SHROOM3: variants seen among roughly 807,000 people sequenced by gnomAD.
SHROOM3 encodes the protein protein Shroom3.
Under a neutral mutation model 138.6 loss-of-function variants are expected in SHROOM3, and 47 were observed. The observed-to-expected ratio is 0.34, with a 90% CI of 0.27 to 0.43. The LOEUF (loss-of-function observed/expected upper bound fraction) is 0.43, where lower values mean the gene tolerates loss of function less well. Ranked by LOEUF, SHROOM3 falls within the 20% of genes least tolerant of loss-of-function variation. The pLI, the probability that SHROOM3 is intolerant of heterozygous loss-of-function variation, is 1.00. For missense variants in SHROOM3, 2,491 were observed against 2,596.5 expected (o/e 0.96, Z 0.88); for synonymous variants, 1,062 against 1,063.3 (o/e 1.00, Z 0.02).
At chr4:76,778,292 G>A (rs1040408221) in intron 10 of SHROOM3, among the ~76,000 whole-genome samples, 3 of 151,548 alleles carry the variant, frequency 2.0e-5, no homozygotes, top group Non-Finnish European at 4.4e-5. Flanking sequence ...GCACATCTCG[G>A]CTCACTGCAA....
At chr4:76,614,287 C>G (rs969876737) in intron 2 of SHROOM3, among the ~76,000 whole-genome samples, 3 of 152,066 alleles carry the variant, frequency 2.0e-5, no homozygotes, top group Admixed American at 6.5e-5. Flanking sequence ...ATCTGCTTAT[C>G]TAGTGATCTG....
intron 2 of SHROOM3, among the ~76,000 whole-genome samples, chr4:76,652,841 CATATA>C (rs770412365): frequency 5.7e-4 from 86 of 151,846 alleles, no homozygotes; most frequent in African/African-American, 1.7e-3. Flanking sequence ...ATATATAAAA[CATATA>C]ATATATAACT....
intron 1 of SHROOM3, among the ~76,000 whole-genome samples, chr4:76,514,274 A>C (rs1476527501): frequency 2.0e-5 from 3 of 152,224 alleles, no homozygotes; most frequent in African/African-American, 7.2e-5. Context: ...CTGATGGTGA[A>C]TACATTAAAT....
chr4:76,585,982 T>C (rs1734143122), intron 2 of SHROOM3, among the ~76,000 whole-genome samples: 1 of 152,230 alleles, frequency 6.6e-6, no homozygotes, highest in Non-Finnish European at 1.5e-5. Flanking sequence ...GTCGTGTTTA[T>C]GAGTCAGAGG....
intron 1 of SHROOM3, among the ~76,000 whole-genome samples, chr4:76,479,678 A>C (rs901801271): frequency 6.6e-6 from 1 of 152,192 alleles, no homozygotes; most frequent in Non-Finnish European, 1.5e-5. Context: ...ACACATAATC[A>C]TCAGATTCAC....
intron 6 of SHROOM3, among the ~76,000 whole-genome samples, chr4:76,752,551 T>C (rs2110142286): frequency 6.6e-6 from 1 of 152,300 alleles, no homozygotes; most frequent in East Asian, 1.9e-4. Flanking sequence ...GTAGGATTCC[T>C]GGATACATAT....
In SHROOM3 at chr4:76,555,654, G is replaced by T. The variant is rs768969220; in HGVS notation, c.214G>T (p.Ala72Ser). 6.4e-5 allele frequency: 103 copies of T among 1,614,006 alleles called. No homozygotes were observed. Among genetic ancestry groups the T allele is most frequent in the Non-Finnish European group, 8.6e-5 (102 of 1,180,036 alleles). ...KADTLSSKLQ[A>S]GDEVVHINEV... ...AGACACCCTGAGCTCCAAACTGCAGGCTGGGGATGAGGTTGTGCACATCAA... is the reference window on the plus strand; with the variant it reads ...AGACACCCTGAGCTCCAAACTGCAGTCTGGGGATGAGGTTGTGCACATCAA... The change falls in exon 2 of 11, where the codon GCT (alanine) becomes TCT (serine). Residue 72 changes from alanine (A) to serine (S), a missense_variant. Physicochemically the swap from Ala to Ser is moderately conservative, Grantham distance 99. This residue lies in a region of SHROOM3 where 284 missense variants were observed against 322.8 expected (regional missense o/e 0.88). Transcript: ENST00000296043.
intron 2 of SHROOM3, chr4:76,688,814 C>T: frequency 1.0e-6 from 1 of 985,342 alleles, no homozygotes; most frequent in Non-Finnish European, 1.2e-6. Context: ...CGTCTCTTGT[C>T]TAATCAGAGA....
chr4:76,717,438 T>C (rs926934752), intron 3 of SHROOM3, among the ~76,000 whole-genome samples: 10 of 152,244 alleles, frequency 6.6e-5, no homozygotes, highest in Admixed American at 2.0e-4. Flanking sequence ...CTTTTCTTCC[T>C]TTCCCTCTTT....
chr4:76,598,262 G>A (rs374178435), intron 2 of SHROOM3, among the ~76,000 whole-genome samples: 108 of 152,140 alleles, frequency 7.1e-4, no homozygotes, highest in African/African-American at 2.3e-3. Context: ...TCCTGACCTC[G>A]TGATCAGCCC....
intron 1 of SHROOM3, chr4:76,532,459 A>G (rs1732852072): frequency 6.6e-6 from 1 of 152,160 alleles, no homozygotes; most frequent in African/African-American, 2.4e-5. Context: ...TTTCCAATAT[A>G]CAGTGGTACC....
chr4:76,564,540 C>T (rs1733659379), intron 2 of SHROOM3, among the ~76,000 whole-genome samples: 1 of 152,150 alleles, frequency 6.6e-6, no homozygotes, highest in Admixed American at 6.5e-5. Flanking sequence ...TGTTCCTTCC[C>T]ATGGAAAATT....
At chr4:76,573,366 A>G (rs1429846883) in intron 2 of SHROOM3, among the ~76,000 whole-genome samples, 3 of 145,242 alleles carry the variant, frequency 2.1e-5, no homozygotes, top group African/African-American at 7.6e-5. Flanking sequence ...TTACAAACCC[A>G]CTTCTGCTGG....
At chr4:76,555,082 TG>T (rs1462157606) in intron 1 of SHROOM3, among the ~76,000 whole-genome samples, 1 of 151,772 alleles carries the variant, frequency 6.6e-6, no homozygotes, top group Non-Finnish European at 1.5e-5. Context: ...TATGTTATGC[TG>T]AGTTGTATAA....
chr4:76,576,106 A>G (rs1216796049), intron 2 of SHROOM3, among the ~76,000 whole-genome samples: 1 of 152,212 alleles, frequency 6.6e-6, no homozygotes, highest in Non-Finnish European at 1.5e-5. Flanking sequence ...TCAAAAACCT[A>G]AAAAGAAAGC....
At chr4:76,686,268 AG>A (rs1350106085) in intron 2 of SHROOM3, among the ~76,000 whole-genome samples, 2 of 152,086 alleles carry the variant, frequency 1.3e-5, no homozygotes, top group African/African-American at 4.8e-5. Flanking sequence ...AGCCTCCCAA[AG>A]TGCTGGGATT....
intron 1 of SHROOM3, among the ~76,000 whole-genome samples, chr4:76,552,026 T>C (rs1459364754): frequency 8.4e-5 from 6 of 71,712 alleles, no homozygotes; most frequent in Non-Finnish European, 1.4e-4. Flanking sequence ...CACGCCCGGC[T>C]AATTTTTTGT....
chr4:76,442,631 G>C (rs1406999413), intron 1 of SHROOM3, among the ~76,000 whole-genome samples: 1 of 151,884 alleles, frequency 6.6e-6, no homozygotes, highest in African/African-American at 2.4e-5. Flanking sequence ...GGATGGTCTC[G>C]ATCTCCTTAC....
chr4:76,683,231 A>G (rs554522991), intron 2 of SHROOM3, among the ~76,000 whole-genome samples: 11 of 152,312 alleles, frequency 7.2e-5, no homozygotes, highest in African/African-American at 2.2e-4. Flanking sequence ...TTTTTAAAAA[A>G]ATTTTATTTG....
Sources: allele counts gnomAD v4.1 joint callset (sites outside exome capture counted in the v4.1 genomes callset), GRCh38; gene constraint gnomAD v4.1.1; regional missense constraint gnomAD v4.1.1; transcripts MANE v1.5; gene names NCBI Gene and HGNC (gene_info 2026-07-23, HGNC 2026-07-21).